The following TMC5 variants were observed in gnomAD, a reference collection of about 807,000 sequenced individuals.
TMC5 encodes the protein transmembrane channel like 5, also known as transmembrane channel-like protein 5.
TMC5 carries 86 observed loss-of-function variants against 110.5 expected under a neutral mutation model. That is an observed-to-expected ratio of 0.78 (90% CI 0.65 to 0.93). The LOEUF (loss-of-function observed/expected upper bound fraction) is 0.93, where lower values mean the gene tolerates loss of function less well. Among genes scored for constraint, TMC5 ranks in the 40% least tolerant of loss-of-function variants. The pLI, the probability that TMC5 is intolerant of heterozygous loss-of-function variation, is 0.00. For missense variants in TMC5, 1,144 were observed against 1,222.8 expected (o/e 0.94, Z 0.96); for synonymous variants, 455 against 439.5 (o/e 1.04, Z -0.44).
rs56178955 is a variant in TMC5 at position 19,495,011 on chromosome 16, C to CTTTTTTTTTTTT, written c.2931+655_2931+666dup. The stretch of plus-strand genomic sequence containing the variant: ...CACTATGAATACTTCAGTGTCTATT[C>CTTTTTTTTTTTT]TTTTTTTTTTTTTTTTTTTTTGAGA... On this transcript the variant is annotated intron_variant, in intron 20 of 21. Coordinates refer to ENST00000542583, the MANE Select transcript of TMC5 (RefSeq NM_001261841.2). Among the ~76,000 whole-genome samples, 87 of 40,486 alleles carry CTTTTTTTTTTTT rather than the reference C, an allele frequency of 2.1e-3. 15 individuals are homozygous for CTTTTTTTTTTTT. Among genetic ancestry groups the CTTTTTTTTTTTT allele is most frequent in the African/African-American group, 7.6e-3 (82 of 10,740 alleles). 26.6% of individuals were successfully genotyped at this position (40,486 alleles called of 152,430 possible). A position where few individuals can be genotyped will look rare whatever the true frequency, so the allele number is the denominator to read the frequency against.
intron 11 of TMC5, among the ~76,000 whole-genome samples, chr16:19,473,746 G>A (rs955753113): frequency 6.6e-6 from 1 of 152,142 alleles, no homozygotes; most frequent in Non-Finnish European, 1.5e-5. Context: ...TTGGGAGGCC[G>A]AGGTGGATGG....
intron 6 of TMC5, among the ~76,000 whole-genome samples, chr16:19,462,002 T>C (rs1320479578): frequency 1.3e-5 from 2 of 152,114 alleles, no homozygotes; most frequent in Non-Finnish European, 2.9e-5. Flanking sequence ...GAAAGACAAT[T>C]GACCATGACA....
chr16:19,456,898 A>G, intron 5 of TMC5: 1 of 1,614,218 alleles, frequency 6.2e-7, no homozygotes. Flanking sequence ...GGAATGACCA[A>G]AAGGGTAACC....
rs1968457263 is a variant in TMC5, at chr16:19,475,253, C to G, written c.2090+977C>G. ...CCTGGCCAACATGGTGAAACCCCGTCTTTACTAAAAATACAAAAATTAGCT... is the reference window on the plus strand; with the variant it reads ...CCTGGCCAACATGGTGAAACCCCGTGTTTACTAAAAATACAAAAATTAGCT... On this transcript the variant is annotated intron_variant, in intron 12 of 21. Transcript: ENST00000542583. Among the ~76,000 whole-genome samples, 5 of 152,098 alleles carry G rather than the reference C, an allele frequency of 3.3e-5. No individual in the cohort carries two copies. In the South Asian group the frequency reaches 1.0e-3, roughly 31 times the overall value.
chr16:19,492,638 G>T (rs929004439), intron 19 of TMC5, among the ~76,000 whole-genome samples: 1 of 151,782 alleles, frequency 6.6e-6, no homozygotes, highest in Non-Finnish European at 1.5e-5. Flanking sequence ...TGGAGACAGG[G>T]TTTCACCATG....
chr16:19,443,932 CATGGATGGATGG>C (rs765935475), intron 3 of TMC5, 137 bp from the exon 4 acceptor site: 6 of 727,540 alleles, frequency 8.2e-6, no homozygotes, highest in South Asian at 3.8e-5. Context: ...TGGATGGATA[CATGGATGGATGG>C]ATGGATGGAT....
chr16:19,457,709 C>CAT (rs1967916001), intron 5 of TMC5, among the ~76,000 whole-genome samples: 1 of 43,904 alleles, frequency 2.3e-5, no homozygotes, highest in Non-Finnish European at 5.3e-5. Context: ...AGACTACATT[C>CAT]TTTTTTTTTT....
In TMC5 at chr16:19,456,041, A is replaced by G. The variant is rs370767534; in HGVS notation, c.1049-4194A>G. Among the ~76,000 whole-genome samples, 16 of 152,060 alleles carry G rather than the reference A, an allele frequency of 1.1e-4. No individual in the cohort carries two copies. The East Asian group carries it at 1.9e-3, about 18-fold the overall frequency. On this transcript the variant is annotated intron_variant, in intron 5 of 21. Coordinates refer to ENST00000542583, the MANE Select transcript of TMC5 (RefSeq NM_001261841.2). ...GCTAACGTGGTGAAACCCCGTCTCTACTAAAAATACAAAAAATTAGCCGGG... is the reference window on the plus strand; with the variant it reads ...GCTAACGTGGTGAAACCCCGTCTCTGCTAAAAATACAAAAAATTAGCCGGG...
intron 5 of TMC5, among the ~76,000 whole-genome samples, chr16:19,458,834 G>A (rs1158378042): frequency 1.3e-5 from 2 of 152,042 alleles, no homozygotes; most frequent in South Asian, 2.1e-4. Context: ...ATGTCATTAC[G>A]ATGAACATTG....
At chr16:19,493,617 C>T (rs933279498) in intron 19 of TMC5, among the ~76,000 whole-genome samples, 10 of 152,042 alleles carry the variant, frequency 6.6e-5, no homozygotes, top group Non-Finnish European at 7.4e-5. Flanking sequence ...TGTGCCACCA[C>T]GCCCAGCTAA....
chr16:19,424,100 A>C (rs1967041038), intron 1 of TMC5, among the ~76,000 whole-genome samples: 1 of 152,180 alleles, frequency 6.6e-6, no homozygotes, highest in African/African-American at 2.4e-5. Flanking sequence ...AGTTAGTGTC[A>C]GAACCCACAG....
intron 5 of TMC5, among the ~76,000 whole-genome samples, chr16:19,450,110 T>G (rs765528684): frequency 2.6e-5 from 4 of 152,212 alleles, no homozygotes; most frequent in Non-Finnish European, 4.4e-5. Flanking sequence ...TGGTTACTGA[T>G]GCAGAACCTG....
Position 19,466,236 on chromosome 16 carries a change from A to G in TMC5, c.1637+3A>G. 1 of 1,613,426 alleles carries G rather than the reference A, an allele frequency of 6.2e-7. No individual in the cohort carries two copies. Among genetic ancestry groups the G allele is most frequent in the Non-Finnish European group, 8.5e-7 (1 of 1,179,766 alleles). On this transcript the variant is annotated splice_donor_region_variant and intron_variant, in intron 9 of 21. Coordinates refer to ENST00000542583, the MANE Select transcript of TMC5 (RefSeq NM_001261841.2). ...TGCTTCTTCAGTTTGCTGTTCAGGT[A>G]TGGAAGCATCTACATTTCCTGATTC...
At chr16:19,413,123 C>T (rs967825711), upstream of TMC5, among the ~76,000 whole-genome samples, 5 of 152,238 alleles carry the variant, frequency 3.3e-5, no homozygotes, top group Admixed American at 6.5e-5. Flanking sequence ...GGGCTTTAGG[C>T]GCACCCTACC....
chr16:19,489,247 AACTCCTGGGC>A (rs1215887637), intron 17 of TMC5, among the ~76,000 whole-genome samples: 1 of 152,120 alleles, frequency 6.6e-6, no homozygotes, highest in African/African-American at 2.4e-5. Flanking sequence ...TCACAGCTCA[AACTCCTGGGC>A]TCACGTGATT....
intron 2 of TMC5, among the ~76,000 whole-genome samples, chr16:19,434,104 A>G (rs1471052617): frequency 8.3e-5 from 2 of 23,968 alleles, no homozygotes; most frequent in African/African-American, 5.5e-4. Flanking sequence ...TATAATATAT[A>G]TATTATATAT....
In TMC5 at chr16:19,470,176, A is replaced by G. The variant is rs542295098; in HGVS notation, c.1782+351A>G. 2.2e-3 allele frequency among the ~76,000 whole-genome samples: 315 copies of G among 141,864 alleles called. 1 individual carries two copies. Among genetic ancestry groups the G allele is most frequent in the South Asian group, 3.3e-3 (15 of 4,486 alleles). The allele number at this position is 141,864 out of a possible 152,430, so 93.1% of individuals were successfully genotyped here. On this transcript the variant is annotated intron_variant, in intron 10 of 21. Transcript: ENST00000542583. ...CCCAAAGTGCTGGGATTACAGGCGT[A>G]AGCCACCGCGCCCAGCTGTTTTTTT...
chr16:19,457,808 C>T (rs1967924815), intron 5 of TMC5, among the ~76,000 whole-genome samples: 2 of 138,760 alleles, frequency 1.4e-5, no homozygotes, highest in African/African-American at 2.6e-5. Flanking sequence ...ACTGCAACCT[C>T]TGCTTCCCAG....
upstream of TMC5, among the ~76,000 whole-genome samples, chr16:19,416,115 T>TTG (rs2143324054): frequency 6.6e-6 from 1 of 150,794 alleles, no homozygotes; most frequent in Admixed American, 6.6e-5. Flanking sequence ...AGCCCAACAG[T>TTG]CAGAGGCTGC....
Sources: allele counts gnomAD v4.1 joint callset (sites outside exome capture counted in the v4.1 genomes callset), GRCh38; gene constraint gnomAD v4.1.1; transcripts MANE v1.5; gene names NCBI Gene and HGNC (gene_info 2026-07-23, HGNC 2026-07-21).